ZBTB44: variants seen among roughly 807,000 people sequenced by gnomAD.
ZBTB44 encodes zinc finger and BTB domain-containing protein 44.
Under a neutral mutation model 54.0 loss-of-function variants are expected in ZBTB44, and 15 were observed. The ratio of observed to expected loss-of-function variants is 0.28; its 90% CI spans 0.19 to 0.43. The LOEUF is 0.43. ZBTB44 is among the 20% of genes least tolerant of loss of function. The pLI is 1.00. For missense variants in ZBTB44, 487 were observed against 707.1 expected (o/e 0.69, Z 3.53); for synonymous variants, 230 against 250.1 (o/e 0.92, Z 0.76).
intron 1 of ZBTB44, chr11:130,296,636 G>A (rs1941670566): frequency 1.1e-6 from 1 of 909,912 alleles, no homozygotes; most frequent in Non-Finnish European, 1.8e-6. Flanking sequence ...GCCCATTTTG[G>A]GCCCAGAATA....
In ZBTB44 at chr11:130,230,229, T is replaced by A. The variant is rs1443542818; in HGVS notation, c.*1535A>T. 2.6e-5 allele frequency: 4 copies of A among 151,726 alleles called. No homozygotes were observed. The East Asian group carries it at 7.7e-4, about 29-fold the overall frequency. The allele number at this position is 151,726 out of a possible 1,614,324, so 9.4% of individuals were successfully genotyped here. A position where few individuals can be genotyped will look rare whatever the true frequency, so the allele number is the denominator to read the frequency against. ...CCTCTATTTAGATTAAGAGAAAAAATTAGAAATAAAAGACTGAAAGATTTA... is the reference window on the plus strand; with the variant it reads ...CCTCTATTTAGATTAAGAGAAAAAAATAGAAATAAAAGACTGAAAGATTTA... On this transcript the variant is annotated 3_prime_UTR_variant, in exon 8 of 8. Coordinates refer to ENST00000357899, the MANE Select transcript of ZBTB44 (RefSeq NM_001301098.2).
At chr11:130,297,044 GCTCT>G in intron 1 of ZBTB44, 1 of 673,722 alleles carries the variant, frequency 1.5e-6, no homozygotes. Flanking sequence ...ATAGCAGGCA[GCTCT>G]CTCATTGAAG....
intron 1 of ZBTB44, among the ~76,000 whole-genome samples, chr11:130,311,062 C>T (rs554988896): frequency 1.3e-5 from 2 of 152,288 alleles, no homozygotes; most frequent in African/African-American, 4.8e-5. Context: ...GAACACAGTA[C>T]TCATTATACA....
At chr11:130,259,727 C>T (rs1444876281) in intron 2 of ZBTB44, among the ~76,000 whole-genome samples, 2 of 149,296 alleles carry the variant, frequency 1.3e-5, no homozygotes, top group Non-Finnish European at 3.0e-5. Context: ...ACCACATGTT[C>T]TTACTAATAA....
chr11:130,234,328 T>C (rs769004990), intron 5 of ZBTB44, 55 bp from the exon 6 acceptor site: 15 of 1,448,112 alleles, frequency 1.0e-5, no homozygotes, highest in Non-Finnish European at 1.4e-5. Flanking sequence ...CAGTAATAGA[T>C]AAGCAACAGT....
At chr11:130,234,374 T>C in intron 5 of ZBTB44, 101 bp from the exon 6 acceptor site, 1 of 1,178,444 alleles carries the variant, frequency 8.5e-7, no homozygotes, top group Non-Finnish European at 1.1e-6. Flanking sequence ...ATTGGGACTC[T>C]TCATTTCACT....
In ZBTB44 at chr11:130,291,050, T is replaced by G. The variant is rs534569991; in HGVS notation, c.-57+23325A>C. Among the ~76,000 whole-genome samples the G allele has an allele frequency of 3.9e-5, 6 of 152,322 alleles. No individual in the cohort carries two copies. In the South Asian group the frequency reaches 6.2e-4, roughly 16 times the overall value. On this transcript the variant is annotated intron_variant, in intron 1 of 7. Coordinates refer to ENST00000357899, the MANE Select transcript of ZBTB44 (RefSeq NM_001301098.2). ...CACTCTCCCAGCTCTGGTCCCTTTT[T>G]GGAATTCCCTCCTCACTGATCTCCA...
chr11:130,254,075 G>A (rs1938240301), intron 2 of ZBTB44, among the ~76,000 whole-genome samples: 1 of 152,146 alleles, frequency 6.6e-6, no homozygotes, highest in Admixed American at 6.5e-5. Flanking sequence ...ATTCAAGATG[G>A]ATTAAAGACT....
chr11:130,259,850 G>A (rs147510534), intron 2 of ZBTB44, among the ~76,000 whole-genome samples: 8 of 151,862 alleles, frequency 5.3e-5, no homozygotes, highest in South Asian at 2.1e-4. Context: ...AATACGTAAC[G>A]CAGATGAAGG....
rs781640016 is a variant in ZBTB44 at position 130,236,778 on chromosome 11, C to T, written c.1568+15G>A. On this transcript the variant is annotated intron_variant, in intron 5 of 7. Transcript: ENST00000357899. ...AAAGCAGTTTTCCTGGTTGGGTTTT[C>T]GTTGTGCACCTCACCTGCTCTGGAA... 2.3e-6 allele frequency: 3 copies of T among 1,322,780 alleles called. No individual in the cohort carries two copies. The highest frequency in any genetic ancestry group is 1.5e-5 in the African/African-American group (1 of 65,496). The allele number at this position is 1,322,780 out of a possible 1,614,324, so 81.9% of individuals were successfully genotyped here. A position where few individuals can be genotyped will look rare whatever the true frequency, so the allele number is the denominator to read the frequency against.
chr11:130,306,764 C>T (rs1942286189), intron 1 of ZBTB44, among the ~76,000 whole-genome samples: 1 of 152,008 alleles, frequency 6.6e-6, no homozygotes, highest in African/African-American at 2.4e-5. Flanking sequence ...AGTTGTAAGC[C>T]ATTATTCTAA....
At chr11:130,277,543 G>A (rs918233933) in intron 1 of ZBTB44, among the ~76,000 whole-genome samples, 7 of 151,620 alleles carry the variant, frequency 4.6e-5, no homozygotes, top group African/African-American at 1.7e-4. Flanking sequence ...TGCTGTTACT[G>A]GCAGATATAT....
chr11:130,304,696 T>C (rs1185289007), intron 1 of ZBTB44, among the ~76,000 whole-genome samples: 3 of 152,250 alleles, frequency 2.0e-5, no homozygotes, highest in African/African-American at 7.2e-5. Context: ...ATAGAAATGA[T>C]CCCTGAAAGT....
chr11:130,233,162 A>C, intron 7 of ZBTB44, 146 bp downstream of exon 7: 1 of 1,041,652 alleles, frequency 9.6e-7, no homozygotes, highest in Non-Finnish European at 1.4e-6. Flanking sequence ...ACGCCAATAT[A>C]TGCAAGAGAA....
At chr11:130,276,564 A>G (rs1940119984) in intron 1 of ZBTB44, among the ~76,000 whole-genome samples, 1 of 151,548 alleles carries the variant, frequency 6.6e-6, no homozygotes, top group African/African-American at 2.4e-5. Flanking sequence ...CCTCTCGAGT[A>G]GCTGGGATTA....
chr11:130,279,702 T>C (rs762197719), intron 1 of ZBTB44, among the ~76,000 whole-genome samples: 1 of 148,996 alleles, frequency 6.7e-6, no homozygotes, highest in Non-Finnish European at 1.5e-5. Context: ...CGTAGCTCAT[T>C]TGAAGGAACA....
intron 1 of ZBTB44, among the ~76,000 whole-genome samples, chr11:130,276,894 T>G (rs1419033469): frequency 6.6e-6 from 1 of 152,218 alleles, no homozygotes; most frequent in African/African-American, 2.4e-5. Context: ...TTTATCCTTA[T>G]AAAACGTCTC....
rs1939598870 is a variant in ZBTB44, at chr11:130,270,646, GAA to G, written c.-56-8719_-56-8718del. Among the ~76,000 whole-genome samples, 4 of 144,660 alleles carry G rather than the reference GAA, an allele frequency of 2.8e-5. No individual in the cohort carries two copies. In the South Asian group the frequency reaches 8.4e-4, roughly 30 times the overall value. The allele number at this position is 144,660 out of a possible 152,430, so 94.9% of individuals were successfully genotyped here. ...TCTTGGTGGCAGCAGTGAGGATAAAGAAAATGCATCTGAGAAATATTTAGAAT... is the reference window on the plus strand; with the variant it reads ...TCTTGGTGGCAGCAGTGAGGATAAAGAATGCATCTGAGAAATATTTAGAAT... On this transcript the variant is annotated intron_variant, in intron 1 of 7. Coordinates refer to ENST00000357899, the MANE Select transcript of ZBTB44 (RefSeq NM_001301098.2).
intron 2 of ZBTB44, among the ~76,000 whole-genome samples, chr11:130,258,340 T>C (rs907500781): frequency 6.6e-6 from 1 of 152,212 alleles, no homozygotes; most frequent in African/African-American, 2.4e-5. Context: ...TACAAAGTCT[T>C]GTAATATCTA....
Sources: allele counts gnomAD v4.1 joint callset (sites outside exome capture counted in the v4.1 genomes callset), GRCh38; gene constraint gnomAD v4.1.1; transcripts MANE v1.5; gene names NCBI Gene and HGNC (gene_info 2026-07-23, HGNC 2026-07-21).